Variants in DLG2 observed in about 807,000 individuals in gnomAD.
DLG2 encodes the protein disks large homolog 2.
Under a neutral mutation model 132.5 loss-of-function variants are expected in DLG2, and 45 were observed. The ratio of observed to expected loss-of-function variants is 0.34; its 90% CI spans 0.27 to 0.44. The LOEUF (loss-of-function observed/expected upper bound fraction) is 0.44. DLG2 is among the 20% of genes least tolerant of loss of function. The probability of loss-of-function intolerance (pLI) is 1.00; values close to 1 mark genes in which losing one functional copy is unlikely to be tolerated. For missense variants in DLG2, 1,045 were observed against 1,196.9 expected, an observed-to-expected ratio of 0.87 and a Z score of 1.87; for synonymous variants, 424 against 419.6, an observed-to-expected ratio of 1.01 and a Z score of -0.13.
chr11:84,344,066 T>A (rs1287651602), intron 7 of DLG2, among the ~76,000 whole-genome samples: 1 of 152,176 alleles, frequency 6.6e-6, no homozygotes, highest in African/African-American at 2.4e-5. Context: ...CGAAAGAATA[T>A]AGCCTATCAA....
intron 6 of DLG2, 57 bp downstream of exon 6, chr11:85,111,604 C>T (rs893790421): frequency 2.8e-6 from 4 of 1,414,766 alleles, no homozygotes; most frequent in African/African-American, 1.5e-5. Context: ...TAAGATTATT[C>T]CAAAATATAA....
At chr11:84,716,560 G>C (rs1204676736) in intron 6 of DLG2, among the ~76,000 whole-genome samples, 1 of 151,926 alleles carries the variant, frequency 6.6e-6, no homozygotes, top group Non-Finnish European at 1.5e-5. Flanking sequence ...AAACAGTTAA[G>C]TGAAGGTAAA....
intron 6 of DLG2, among the ~76,000 whole-genome samples, chr11:84,947,371 T>C (rs1194749146): frequency 6.6e-6 from 1 of 152,188 alleles, no homozygotes; most frequent in Non-Finnish European, 1.5e-5. Flanking sequence ...TGGCTCAAAA[T>C]GGTGATGACT....
intron 4 of DLG2, among the ~76,000 whole-genome samples, chr11:85,271,509 C>A (rs533221009): frequency 6.6e-6 from 1 of 152,296 alleles, no homozygotes; most frequent in South Asian, 2.1e-4. Context: ...AATGGTAGAT[C>A]CACCCACAGC....
At chr11:83,899,434 G>A (rs2072767017) in intron 15 of DLG2, among the ~76,000 whole-genome samples, 1 of 152,196 alleles carries the variant, frequency 6.6e-6, no homozygotes, top group East Asian at 1.9e-4. Flanking sequence ...TCTCTGATAT[G>A]GATTAGCTCT....
chr11:84,717,662 G>C (rs903519795), intron 6 of DLG2, among the ~76,000 whole-genome samples: 1 of 152,002 alleles, frequency 6.6e-6, no homozygotes, highest in Non-Finnish European at 1.5e-5. Context: ...GAAAAGTAAT[G>C]ATTGATTTCT....
intron 4 of DLG2, among the ~76,000 whole-genome samples, chr11:85,173,290 A>G (rs189923213): frequency 7.5e-4 from 114 of 152,324 alleles, no homozygotes; most frequent in African/African-American, 2.6e-3. Flanking sequence ...CAAAAACCCT[A>G]CAAACCAGAA....
At chr11:85,371,956 T>A (rs1274107030) in intron 3 of DLG2, among the ~76,000 whole-genome samples, 1 of 152,226 alleles carries the variant, frequency 6.6e-6, no homozygotes, top group Non-Finnish European at 1.5e-5. Context: ...CTGACATAAT[T>A]TGTTTTTTAA....
chr11:84,822,095 TG>T (rs34679943), intron 6 of DLG2, among the ~76,000 whole-genome samples: 20,301 of 151,784 alleles, frequency 0.13, 1,487 homozygotes, highest in Middle Eastern at 0.18. Context: ...TAATATCCTT[TG>T]CCCTCCAAAA....
chr11:83,467,773 A>G (rs12291845), intron 25 of DLG2, among the ~76,000 whole-genome samples: 1,167 of 30,508 alleles, frequency 0.038, 11 homozygotes, highest in Middle Eastern at 0.16. Context: ...AACTATATGT[A>G]TATATATATA....
chr11:83,618,559 GAGA>G (rs1247476533), intron 19 of DLG2, among the ~76,000 whole-genome samples: 2 of 152,142 alleles, frequency 1.3e-5, no homozygotes, highest in Non-Finnish European at 2.9e-5. Flanking sequence ...GGCCTAGAGG[GAGA>G]AGAATTATGT....
chr11:83,503,155 A>G (rs2094518334), intron 21 of DLG2, among the ~76,000 whole-genome samples: 1 of 151,526 alleles, frequency 6.6e-6, no homozygotes, highest in South Asian at 2.1e-4. Context: ...AAGTTCTGCT[A>G]TGGAGGGGAG....
intron 7 of DLG2, among the ~76,000 whole-genome samples, chr11:84,517,821 A>C (rs1466631230): frequency 6.6e-6 from 1 of 152,030 alleles, no homozygotes; most frequent in East Asian, 1.9e-4. Flanking sequence ...TTTAGCCACA[A>C]AGAAAAAGGA....
chr11:84,872,794 T>C (rs2085682868), intron 6 of DLG2, among the ~76,000 whole-genome samples: 1 of 152,232 alleles, frequency 6.6e-6, no homozygotes, highest in African/African-American at 2.4e-5. Flanking sequence ...GTAATTTAAG[T>C]TAACAAATTA....
chr11:83,992,590 T>C (rs1049825833), intron 11 of DLG2, among the ~76,000 whole-genome samples: 1 of 152,156 alleles, frequency 6.6e-6, no homozygotes, highest in Non-Finnish European at 1.5e-5. Flanking sequence ...TAAGTAGTTT[T>C]AGGCGGAGTG....
At chr11:84,362,973 T>C (rs868656563) in intron 7 of DLG2, among the ~76,000 whole-genome samples, 1,668 of 152,118 alleles carry the variant, frequency 0.011, 28 homozygotes, top group African/African-American at 0.037. Context: ...TAAACATACA[T>C]GTGCATGTGT....
At chr11:84,900,773 T>C (rs1394701994) in intron 6 of DLG2, among the ~76,000 whole-genome samples, 2 of 152,024 alleles carry the variant, frequency 1.3e-5, no homozygotes, top group Non-Finnish European at 2.9e-5. Context: ...AAAATATATT[T>C]CTTGGGAGTT....
intron 4 of DLG2, among the ~76,000 whole-genome samples, chr11:85,212,498 C>A (rs541752262): frequency 6.6e-6 from 1 of 152,212 alleles, no homozygotes; most frequent in East Asian, 1.9e-4. Flanking sequence ...ACTGTGCTGA[C>A]TTACAGGAAA....
chr11:83,742,197 T>G (rs2092571616), intron 18 of DLG2, among the ~76,000 whole-genome samples: 1 of 136,262 alleles, frequency 7.3e-6, no homozygotes, highest in South Asian at 2.4e-4. Context: ...AGAGTAAATT[T>G]TACCACACTT....
Sources: gnomAD v4.1 joint callset for allele counts (sites outside exome capture counted in the v4.1 genomes callset) on GRCh38, gnomAD v4.1.1 for gene constraint, MANE v1.5 for transcripts, NCBI Gene and HGNC (gene_info 2026-07-23, HGNC 2026-07-21) for gene names.